Variants in CCNL1 observed in about 807,000 individuals in gnomAD.
CCNL1 encodes the protein cyclin-L1.
A neutral mutation model predicts 60.6 loss-of-function variants in CCNL1; 13 were observed. The observed-to-expected ratio is 0.21, with a 90% CI of 0.14 to 0.34. The LOEUF is 0.34. CCNL1 is among the 10% of genes least tolerant of loss of function. CCNL1 has a pLI of 1.00. For missense variants in CCNL1, 481 were observed against 664.3 expected (o/e 0.72, Z 3.03); for synonymous variants, 270 against 244.3 (o/e 1.10, Z -0.98).
At chr3:157,143,944 A>AACACTTT, downstream of CCNL1, among the ~76,000 whole-genome samples, 2 of 152,236 alleles carry the variant, frequency 1.3e-5, no homozygotes, top group Non-Finnish European at 2.9e-5. Flanking sequence ...CACTTTAAAT[A>AACACTTT]GATCATTTTA....
At chr3:157,151,974 C>T in intron 5 of CCNL1, 1 of 1,378,998 alleles carries the variant, frequency 7.3e-7, no homozygotes, top group Non-Finnish European at 9.4e-7. Flanking sequence ...AAATTGAGTT[C>T]TCCATTAAAA....
rs1183311742 is a variant in CCNL1, at chr3:157,160,077, A to G, written c.18T>C (p.His6=). 5.8e-6 allele frequency: 9 copies of G among 1,553,836 alleles called. No individual in the cohort carries two copies. The highest frequency in any genetic ancestry group is 7.8e-6 in the Non-Finnish European group (9 of 1,149,520). The change falls in exon 1 of 11, where the codon CAT becomes CAC. Residue 6 remains histidine, a synonymous_variant. Transcript: ENST00000295926. ...CGGCTGCGGCAGCAGTAGCTGTCGA[A>G]TGAGGCCCGGACGCCATAGTCTTAG... is the stretch of plus-strand genomic sequence containing the variant. MASGP[H]STATAAAAAS... is the part of the protein sequence containing the mutation.
Position 157,159,418 on chromosome 3 carries a change from T to C in CCNL1, c.365A>G (p.Lys122Arg). 3.7e-6 allele frequency: 6 copies of C among 1,614,172 alleles called. No individual in the cohort carries two copies. The highest frequency in any genetic ancestry group is 5.1e-6 in the Non-Finnish European group (6 of 1,180,002). Residue 122 changes from lysine to arginine, a missense_variant, in exon 2 of 11, where the codon AAA becomes AGA. Physicochemically the swap from Lys to Arg is conservative, Grantham distance 26. Around this residue, in one of 5 missense-constraint regions of CCNL1, gnomAD observed 130 missense variants for 174.5 expected, o/e 0.75. Transcript: ENST00000295926. ...CGCTGTGCTTACCTCGAAACTGTGT[T>C]TGACGAAAGATTTGGAGTAGAAAAA... ...HRFFYSKSFV[K>R]HSFEIVAMAC...
At position 157,150,290 on chromosome 3, in the gene CCNL1, C is replaced by T; in HGVS notation, c.766G>A (p.Ala256Thr). Residue 256 changes from alanine (A) to threonine (T), a missense_variant, in exon 6 of 11, where the codon GCA becomes ACA. By Grantham distance (58) the Ala-to-Thr change is moderately conservative. This residue lies in a region of CCNL1 where 75 missense variants were observed against 129.6 expected (regional missense o/e 0.58). Coordinates refer to ENST00000295926, the MANE Select transcript of CCNL1 (RefSeq NM_020307.4). ...ACACIYLAARALQIPLPTRPH... is the reference protein window; with the variant it reads ...ACACIYLAARTLQIPLPTRPH... ...GGGAAATATACACCTACCTGAAGTG[C>T]TCTAGCTGCAAGGTAGATGCAAGCA... is the stretch of plus-strand genomic sequence containing the variant. The T allele has an allele frequency of 6.2e-7, 1 of 1,613,846 alleles. No homozygotes were observed. Among genetic ancestry groups the T allele is most frequent in the Non-Finnish European group, 8.5e-7 (1 of 1,179,816 alleles).
At chr3:157,143,154 T>C (rs1029862862), downstream of CCNL1, among the ~76,000 whole-genome samples, 2 of 152,208 alleles carry the variant, frequency 1.3e-5, no homozygotes, top group African/African-American at 4.8e-5. Flanking sequence ...TAAGAGCAGC[T>C]AGAAGTCTAG....
downstream of CCNL1, among the ~76,000 whole-genome samples, chr3:157,143,706 G>A (rs1737706792): frequency 6.6e-6 from 1 of 152,162 alleles, no homozygotes; most frequent in South Asian, 2.1e-4. Flanking sequence ...TACTTAGAAG[G>A]GGTGGTGAAA....
rs1214242035 is a variant in CCNL1, at chr3:157,148,045, T to C, written c.*196A>G. 3.6e-6 allele frequency: 5 copies of C among 1,377,070 alleles called. No individual in the cohort carries two copies. Among genetic ancestry groups the C allele is most frequent in the Non-Finnish European group, 4.7e-6 (5 of 1,070,720 alleles). The allele number at this position is 1,377,070 out of a possible 1,614,324, so 85.3% of individuals were successfully genotyped here. A position where few individuals can be genotyped will look rare whatever the true frequency, so the allele number is the denominator to read the frequency against. On this transcript the variant is annotated 3_prime_UTR_variant, in exon 11 of 11. Coordinates refer to ENST00000295926, the MANE Select transcript of CCNL1 (RefSeq NM_020307.4). ...CTGACCATGGTTTTTAATTAGATACTGCTAGGGCATTTTAATGTGCAAAAA... is the reference window on the plus strand; with the variant it reads ...CTGACCATGGTTTTTAATTAGATACCGCTAGGGCATTTTAATGTGCAAAAA...
At chr3:157,157,406 A>C (rs1738702881) in intron 3 of CCNL1, among the ~76,000 whole-genome samples, 1 of 152,250 alleles carries the variant, frequency 6.6e-6, no homozygotes, top group East Asian at 1.9e-4. Flanking sequence ...TCTCACAGGA[A>C]AATTCCACAG....
chr3:157,148,388 A>G lies in CCNL1; in HGVS notation c.1434T>C (p.Ser478=). ...TCTTGGCTGCATCTGAGTGATCCCG[A>G]GACTTGCTCTGAGATCGAGAACGAG... ...KKSRSRSQSK[S]RDHSDAAKKH... The change falls in exon 11 of 11, where the codon TCT becomes TCC. Residue 478 remains serine, a synonymous_variant. Coordinates refer to ENST00000295926, the MANE Select transcript of CCNL1 (RefSeq NM_020307.4). 1 of 1,614,138 alleles carries G rather than the reference A, an allele frequency of 6.2e-7. No homozygotes were observed. The highest frequency in any genetic ancestry group is 2.2e-5 in the East Asian group (1 of 44,890).
At position 157,158,870 on chromosome 3, in the gene CCNL1, T is replaced by C. The variant is rs201407431; in HGVS notation, c.484A>G (p.Lys162Glu). The C allele has an allele frequency of 1.8e-5, 29 of 1,601,838 alleles. No homozygotes were observed. The highest frequency in any genetic ancestry group is 9.4e-6 in the Non-Finnish European group (11 of 1,169,718). ...GTTCAATAATGCCAATCTTACCTTT[T>C]TCCTCTTAACTGGCGGAGGTGGTGG... is the stretch of plus-strand genomic sequence containing the variant. ...VFHHLRQLRG[K>E]RTPSPLILDQ... Residue 162 changes from lysine to glutamate, a missense_variant, in exon 3 of 11, where the codon AAA (lysine) becomes GAA (glutamate). Coordinates refer to ENST00000295926, the MANE Select transcript of CCNL1 (RefSeq NM_020307.4).
downstream of CCNL1, among the ~76,000 whole-genome samples, chr3:157,146,801 AAG>A (rs1737799572): frequency 6.6e-6 from 1 of 151,842 alleles, no homozygotes. Context: ...ATCAGGCAGA[AAG>A]AAGTCTTAAT....
chr3:157,152,964 A>G, intron 4 of CCNL1, 72 bp downstream of exon 4: 1 of 1,577,210 alleles, frequency 6.3e-7, no homozygotes, highest in Non-Finnish European at 8.6e-7. Context: ...TAGAAACATA[A>G]ATTCATATAA....
At chr3:157,146,770 A>G (rs1020058806), downstream of CCNL1, among the ~76,000 whole-genome samples, 2 of 152,212 alleles carry the variant, frequency 1.3e-5, no homozygotes, top group African/African-American at 2.4e-5. Context: ...TCTATTTATA[A>G]TTCAGCAATG....
At chr3:157,152,950 C>G (rs953891431) in intron 4 of CCNL1, 86 bp downstream of exon 4, 91 of 1,562,332 alleles carry the variant, frequency 5.8e-5, no homozygotes, top group Non-Finnish European at 7.6e-5. Context: ...GGTTAACACT[C>G]AGATAGAAAC....
downstream of CCNL1, among the ~76,000 whole-genome samples, chr3:157,145,449 A>C (rs1433167037): frequency 6.8e-6 from 1 of 148,118 alleles, no homozygotes; most frequent in Non-Finnish European, 1.5e-5. Context: ...AAAAAAAAAA[A>C]AAAAAAAAAA....
downstream of CCNL1, among the ~76,000 whole-genome samples, chr3:157,145,401 G>A (rs1347046695): frequency 8.7e-6 from 1 of 114,364 alleles, no homozygotes; most frequent in African/African-American, 3.4e-5. Flanking sequence ...TCGTGCCACT[G>A]CACTCCAGCC....
intron 3 of CCNL1, among the ~76,000 whole-genome samples, chr3:157,158,248 T>C (rs986833566): frequency 7.2e-5 from 11 of 152,248 alleles, no homozygotes; most frequent in African/African-American, 2.7e-4. Context: ...TCTTACTTGT[T>C]AATTTTCTAA....
downstream of CCNL1, among the ~76,000 whole-genome samples, chr3:157,145,723 A>G (rs1737766060): frequency 6.6e-6 from 1 of 152,174 alleles, no homozygotes; most frequent in Non-Finnish European, 1.5e-5. Flanking sequence ...CTAATTCCAG[A>G]CAAGTAAAAA....
At chr3:157,156,376 T>A (rs1738623641) in intron 3 of CCNL1, among the ~76,000 whole-genome samples, 1 of 152,236 alleles carries the variant, frequency 6.6e-6, no homozygotes, top group Non-Finnish European at 1.5e-5. Context: ...TTATTATCTA[T>A]GGATACACTG....
Sources: gnomAD v4.1 joint callset for allele counts (sites outside exome capture counted in the v4.1 genomes callset) on GRCh38, gnomAD v4.1.1 for gene constraint, gnomAD v4.1.1 regional missense constraint, MANE v1.5 for transcripts, NCBI Gene and HGNC (gene_info 2026-07-23, HGNC 2026-07-21) for gene names.